The following KDM6A variants were observed in gnomAD, a reference collection of about 807,000 sequenced individuals.
The protein encoded by KDM6A is lysine-specific demethylase 6A.
A neutral mutation model predicts 117.6 loss-of-function variants in KDM6A; 11 were observed. The ratio of observed to expected loss-of-function variants is 0.09; its 90% CI spans 0.06 to 0.15. KDM6A has a LOEUF of 0.15. Ranked by LOEUF, KDM6A falls within the 10% of genes least tolerant of loss-of-function variation. KDM6A has a pLI of 1.00. For synonymous variants in KDM6A, 384 were observed against 396.1 expected, an observed-to-expected ratio of 0.97 and a Z score of 0.36; for missense variants, 799 against 1,077.3, an observed-to-expected ratio of 0.74 and a Z score of 3.62.
In KDM6A at chrX:44,921,227, A is replaced by G. The variant is rs781178010; in HGVS notation, c.226-40057A>G. ...TTTATTTTGAAATAGTTGTAGCTTC[A>G]TAGGAAGTTGTGAAGAAATGGACGG... is the stretch of plus-strand genomic sequence containing the variant. On this transcript the variant is annotated intron_variant, in intron 2 of 29. Transcript: ENST00000611820. Among the ~76,000 whole-genome samples, 9 of 111,806 alleles carry G rather than the reference A, an allele frequency of 8.0e-5. No individual in the cohort carries two copies. In the South Asian group the frequency reaches 1.5e-3, roughly 18 times the overall value.
At chrX:44,955,562 G>C (rs990274463) in intron 2 of KDM6A, among the ~76,000 whole-genome samples, 4 of 111,012 alleles carry the variant, frequency 3.6e-5, no homozygotes, top group African/African-American at 1.3e-4. Context: ...CAGATGTACT[G>C]TTCAGTAGTG....
chrX:45,004,553 G>C (rs1357697651), intron 4 of KDM6A, among the ~76,000 whole-genome samples: 1 of 111,116 alleles, frequency 9.0e-6, no homozygotes. Context: ...TCCAAATTGA[G>C]GCCTGCATAT....
chrX:44,948,262 T>G (rs2037780007), intron 2 of KDM6A, among the ~76,000 whole-genome samples: 1 of 112,000 alleles, frequency 8.9e-6, no homozygotes, highest in Admixed American at 9.5e-5. Flanking sequence ...CCTGGCGTCC[T>G]GGCTGTTTTA....
intron 2 of KDM6A, among the ~76,000 whole-genome samples, chrX:44,948,920 A>T (rs1163248032): frequency 1.8e-5 from 2 of 111,919 alleles, no homozygotes; most frequent in African/African-American, 6.5e-5. Context: ...TTTTAATTTG[A>T]CTGTGAGGAA....
chrX:44,975,213 CAATT>C (rs1157763005), intron 4 of KDM6A, among the ~76,000 whole-genome samples: 1 of 111,412 alleles, frequency 9.0e-6, no homozygotes, highest in Non-Finnish European at 1.9e-5. Context: ...AGCAGTGAAA[CAATT>C]AATCATCCAC....
chrX:45,059,515 C>A (rs2147963984), intron 12 of KDM6A, 49 bp downstream of exon 12: 1 of 917,166 alleles, frequency 1.1e-6, no homozygotes, highest in Non-Finnish European at 1.6e-6. Flanking sequence ...TTCCCCAGAA[C>A]ACTCAGGCAG....
intron 2 of KDM6A, among the ~76,000 whole-genome samples, chrX:44,886,758 T>C (rs1343537565): frequency 2.7e-5 from 3 of 110,368 alleles, no homozygotes; most frequent in Admixed American, 2.0e-4. Context: ...CCCAAAGTGC[T>C]GAGATTACAG....
At chrX:45,090,193 T>TA (rs199753760) in intron 26 of KDM6A, among the ~76,000 whole-genome samples, 6 of 111,807 alleles carry the variant, frequency 5.4e-5, no homozygotes, top group East Asian at 2.8e-4. Context: ...GGTTTTATTT[T>TA]AAAAAAACCC....
Position 44,873,871 on chromosome X carries a change from G to GCCCCGTC in KDM6A, c.162-53_162-52insCCCCGTC. Reference sequence around the variant, plus strand: ...TGGGGCCTCGGGCTCGGGCAGGGACGGGTCGGTGGCGTTCCCTGAGCGTTA... The same window carrying GCCCCGTC: ...TGGGGCCTCGGGCTCGGGCAGGGACGCCCCGTCGGTCGGTGGCGTTCCCTGAGCGTTA... On this transcript the variant is annotated intron_variant, in intron 1 of 29. Coordinates refer to ENST00000611820, the MANE Select transcript of KDM6A (RefSeq NM_001291415.2). The GCCCCGTC allele has an allele frequency of 4.3e-6, 5 of 1,176,401 alleles. No individual in the cohort carries two copies. In the East Asian group the frequency reaches 1.5e-4, roughly 35 times the overall value.
chrX:45,005,961 A>AC (rs1569516038), intron 4 of KDM6A, among the ~76,000 whole-genome samples: 37 of 14,131 alleles, frequency 2.6e-3, no homozygotes, highest in South Asian at 0.01. Context: ...TCACCCCCCC[A>AC]CCCCCCCACC....
Position 45,110,143 on chromosome X carries a change from A to G in KDM6A, c.4226A>G (p.His1409Arg). The change falls in exon 29 of 30, where the codon CAT becomes CGT. Residue 1409 changes from histidine (H) to arginine (R), a missense_variant. His to Arg is a conservative substitution (Grantham distance 29). Coordinates refer to ENST00000611820, the MANE Select transcript of KDM6A (RefSeq NM_001291415.2). Reference sequence around the variant, plus strand: ...AATTCACGAAAGACCTACATAGTACATTGCCAAGATTGTGCACGAAAAACA... The same window carrying G: ...AATTCACGAAAGACCTACATAGTACGTTGCCAAGATTGTGCACGAAAAACA... ...ESNSRKTYIV[H>R]CQDCARKTSG... 2.5e-6 allele frequency: 3 copies of G among 1,209,979 alleles called. No homozygotes were observed. The highest frequency in any genetic ancestry group is 3.4e-6 in the Non-Finnish European group (3 of 893,871).
chrX:45,098,629 G>C (rs1456071141), intron 27 of KDM6A, among the ~76,000 whole-genome samples: 1 of 112,548 alleles, frequency 8.9e-6, no homozygotes, highest in Non-Finnish European at 1.9e-5. Context: ...ATAACAGCTA[G>C]ATGGATGTAT....
intron 4 of KDM6A, among the ~76,000 whole-genome samples, chrX:44,988,970 G>T (rs1326452160): frequency 1.8e-5 from 2 of 109,763 alleles, no homozygotes; most frequent in African/African-American, 3.3e-5. Flanking sequence ...AGAGGATTCT[G>T]CTGCCTTTTG....
At chrX:45,100,402 A>T (rs920872084) in intron 27 of KDM6A, among the ~76,000 whole-genome samples, 1 of 112,089 alleles carries the variant, frequency 8.9e-6, no homozygotes, top group Admixed American at 9.5e-5. Flanking sequence ...CAATGGTAGT[A>T]TGTTTTCAAT....
intron 29 of KDM6A, among the ~76,000 whole-genome samples, chrX:45,111,098 A>C (rs1045562657): frequency 1.8e-5 from 2 of 111,774 alleles, no homozygotes; most frequent in African/African-American, 6.5e-5. Flanking sequence ...TTTTTTAAGC[A>C]ATCTTAAAAA....
At chrX:45,107,639 C>T (rs2148291610) in intron 28 of KDM6A, 103 bp downstream of exon 28, 1 of 813,204 alleles carries the variant, frequency 1.2e-6, no homozygotes, top group South Asian at 2.4e-5. Flanking sequence ...TTTATGTAAT[C>T]CAGTTTATAG....
chrX:44,873,666 C>G lies in KDM6A; in HGVS notation c.115C>G (p.Pro39Ala). 8.4e-6 allele frequency: 10 copies of G among 1,186,289 alleles called. No homozygotes were observed. The highest frequency in any genetic ancestry group is 2.5e-4 in the Middle Eastern group (1 of 3,934). The change falls in exon 1 of 30, where the codon CCC (proline) becomes GCC (alanine). Residue 39 changes from proline to alanine, a missense_variant. Pro to Ala is a conservative substitution (Grantham distance 27, BLOSUM62 -1). Around this residue, in one of 8 missense-constraint regions of KDM6A, gnomAD observed 89 missense variants for 117.8 expected, o/e 0.76. Transcript: ENST00000611820. ...KASGESEEAS[P>A]SLTAEEREAL... ...GAGCGGCGAGAGCGAGGAGGCGTCC[C>G]CCAGCCTGACAGCCGAGGAGAGGGA...
chrX:45,108,842 C>A (rs1256179914), intron 28 of KDM6A, among the ~76,000 whole-genome samples: 1 of 100,197 alleles, frequency 1.0e-5, no homozygotes, highest in Non-Finnish European at 2.0e-5. Flanking sequence ...AATTGGAAAC[C>A]ATCATTCTCA....
intron 2 of KDM6A, among the ~76,000 whole-genome samples, chrX:44,931,929 T>G (rs948299039): frequency 1.6e-4 from 18 of 109,796 alleles, no homozygotes; most frequent in East Asian, 5.6e-4. Flanking sequence ...TTATTTGGTG[T>G]TCTTTTAGTT....
Sources: allele counts gnomAD v4.1 joint callset (sites outside exome capture counted in the v4.1 genomes callset), GRCh38; gene constraint gnomAD v4.1.1; regional missense constraint gnomAD v4.1.1; transcripts MANE v1.5; gene names NCBI Gene and HGNC (gene_info 2026-07-23, HGNC 2026-07-21).